The following TRIM36 variants were observed in gnomAD, a reference collection of about 807,000 sequenced individuals.
TRIM36 encodes the protein tripartite motif containing 36.
TRIM36 carries 42 observed loss-of-function variants against 72.4 expected under a neutral mutation model. The observed-to-expected ratio is 0.58, with a 90% CI of 0.45 to 0.75. The LOEUF (loss-of-function observed/expected upper bound fraction) is 0.75. Ranked by LOEUF, TRIM36 falls within the 30% of genes least tolerant of loss-of-function variation. The probability of loss-of-function intolerance (pLI) is 0.00; values close to 1 mark genes in which losing one functional copy is unlikely to be tolerated. For synonymous variants in TRIM36, 315 were observed against 282.8 expected (o/e 1.11, Z -1.14); for missense variants, 913 against 857.1 (o/e 1.07, Z -0.81).
chr5:115,136,601 T>C (rs1165865864), intron 7 of TRIM36, among the ~76,000 whole-genome samples: 1 of 152,108 alleles, frequency 6.6e-6, no homozygotes, highest in East Asian at 1.9e-4. Flanking sequence ...CGACACAGCG[T>C]TGCTCATAAA....
intron 2 of TRIM36, chr5:115,148,431 TTTTTTTTAGATGGAG>T (rs1753710316): frequency 1.4e-6 from 1 of 736,954 alleles, no homozygotes; most frequent in Non-Finnish European, 1.7e-6. Context: ...TTTTTTTTTT[TTTTTTTTAGATGGAG>T]TCTCACTCTG....
upstream of TRIM36, among the ~76,000 whole-genome samples, chr5:115,173,541 T>TGC (rs1384024968): frequency 3.5e-3 from 526 of 151,594 alleles, 2 homozygotes; most frequent in African/African-American, 0.012. Flanking sequence ...TGTGTGTGTG[T>TGC]GTGCGCGCAC....
exon 1 of TRIM36, chr5:115,180,076 G>T (rs1345056938): frequency 1.9e-6 from 3 of 1,590,254 alleles, no homozygotes; most frequent in Middle Eastern, 3.3e-4. Context: ...ACCGACGCGG[G>T]TGTATCGAAT....
intron 1 of TRIM36, among the ~76,000 whole-genome samples, chr5:115,166,169 T>C (rs557003283): frequency 7.6e-4 from 116 of 152,280 alleles, no homozygotes; most frequent in Admixed American, 6.5e-3. Context: ...AAGCCAGGGA[T>C]AGCCTGAAGC....
rs11290682 is a variant in TRIM36, at chr5:115,132,550, GAA to G, written c.1498+1308_1498+1309del. Among the ~76,000 whole-genome samples the G allele has an allele frequency of 7.8e-3, 864 of 110,840 alleles. 4 individuals are homozygous for G. Among genetic ancestry groups the G allele is most frequent in the African/African-American group, 0.014 (363 of 26,684 alleles). 72.7% of individuals were successfully genotyped at this position (110,840 alleles called of 152,430 possible). On this transcript the variant is annotated intron_variant, in intron 8 of 9. Transcript: ENST00000513154. ...CAGAGCCAGACTCCACCTCCAAAAA[GAA>G]AAAAAAAAAAAAAAAAAGACTGCTA...
intron 2 of TRIM36, among the ~76,000 whole-genome samples, chr5:115,156,544 A>G (rs761904751): frequency 2.6e-5 from 4 of 152,218 alleles, no homozygotes; most frequent in African/African-American, 7.2e-5. Context: ...TCAGCAAAGC[A>G]AACAAAAACA....
rs375147618 is a variant in TRIM36 at position 115,130,856 on chromosome 5, T to C, written c.1532A>G (p.Tyr511Cys). 18 of 1,609,850 alleles carry C rather than the reference T, an allele frequency of 1.1e-5. No homozygotes were observed. The highest frequency in any genetic ancestry group is 1.4e-5 in the Non-Finnish European group (16 of 1,177,278). ...GTTCAGCAGGAGGTGTTCATTATTA[T>C]AGCCACATTTTTCATCAAAGAGGAA... is the stretch of plus-strand genomic sequence containing the variant. ...FSFLFDEKCG[Y>C]NNEHLLLNLK... Residue 511 changes from tyrosine (Y) to cysteine (C), a missense_variant, in exon 9 of 10, where the codon TAT becomes TGT. Transcript: ENST00000513154.
chr5:115,139,876 T>C (rs1447972576), intron 5 of TRIM36, among the ~76,000 whole-genome samples: 4 of 152,168 alleles, frequency 2.6e-5, no homozygotes, highest in African/African-American at 2.4e-5. Context: ...TTTAACCTAT[T>C]GATGACAAAC....
intron 8 of TRIM36, 40 bp from the exon 9 acceptor site, chr5:115,130,929 C>T: frequency 5.7e-6 from 9 of 1,569,866 alleles, no homozygotes; most frequent in Non-Finnish European, 6.0e-6. Context: ...TAAAAATTAT[C>T]ATTGCTCTAG....
intron 2 of TRIM36, among the ~76,000 whole-genome samples, chr5:115,162,195 CA>C (rs1754521587): frequency 6.6e-6 from 1 of 152,186 alleles, no homozygotes; most frequent in African/African-American, 2.4e-5. Context: ...CAAACTCCAC[CA>C]TTCTAAGTTT....
intron 9 of TRIM36, among the ~76,000 whole-genome samples, chr5:115,129,865 GT>G: frequency 6.6e-6 from 1 of 151,882 alleles, no homozygotes; most frequent in Admixed American, 6.5e-5. Flanking sequence ...CATCAACAAC[GT>G]TTACTAGGTT....
intron 8 of TRIM36, among the ~76,000 whole-genome samples, chr5:115,132,569 A>G (rs1057215123): frequency 2.1e-5 from 3 of 143,118 alleles, no homozygotes; most frequent in Non-Finnish European, 4.7e-5. Context: ...AAAAAAAAAA[A>G]GACTGCTAGC....
chr5:115,129,795 C>T (rs1046443741), intron 9 of TRIM36, among the ~76,000 whole-genome samples: 2 of 152,078 alleles, frequency 1.3e-5, no homozygotes, highest in Non-Finnish European at 2.9e-5. Context: ...AATTTTGAAA[C>T]ATGTTCCCCA....
intron 7 of TRIM36, among the ~76,000 whole-genome samples, chr5:115,135,162 A>G (rs935038796): frequency 2.0e-5 from 3 of 152,230 alleles, no homozygotes; most frequent in Admixed American, 6.5e-5. Flanking sequence ...TCCTTTCTAT[A>G]GAGCCAATTC....
At chr5:115,177,726 C>T (rs1388560188) in intron 1 of TRIM36, 3 of 1,613,926 alleles carry the variant, frequency 1.9e-6, no homozygotes, top group African/African-American at 1.3e-5. Context: ...CTCCAACCCC[C>T]ACAAAACAGA....
At position 115,169,904 on chromosome 5, in the gene TRIM36, A is replaced by C. The variant is rs571261695; in HGVS notation, c.-270T>G. The C allele has an allele frequency of 2.3e-4, 303 of 1,289,434 alleles. 2 individuals carry two copies. The African/African-American group carries it at 4.2e-3, about 18-fold the overall frequency. The allele number at this position is 1,289,434 out of a possible 1,614,324, so 79.9% of individuals were successfully genotyped here. A position where few individuals can be genotyped will look rare whatever the true frequency, so the allele number is the denominator to read the frequency against. On this transcript the variant is annotated 5_prime_UTR_variant, in exon 1 of 10. Coordinates refer to ENST00000513154, the MANE Select transcript of TRIM36 (RefSeq NM_001300759.2). ...CCGGCTGCAGCAGCGGCTCCTGCGG[A>C]CTGCGGCTGGGAACGGCGCCGCGCA... is the stretch of plus-strand genomic sequence containing the variant.
At chr5:115,128,331 T>C (rs1752464054) in intron 9 of TRIM36, among the ~76,000 whole-genome samples, 2 of 148,476 alleles carry the variant, frequency 1.3e-5, no homozygotes, top group Admixed American at 6.8e-5. Flanking sequence ...TTCATGCCAT[T>C]GTACTCCAGC....
In TRIM36 at chr5:115,163,608, C is replaced by A; in HGVS notation, c.172G>T (p.Asp58Tyr). 1.2e-6 allele frequency: 2 copies of A among 1,614,148 alleles called. No homozygotes were observed. Among genetic ancestry groups the A allele is most frequent in the Non-Finnish European group, 1.7e-6 (2 of 1,180,024 alleles). Residue 58 changes from aspartate (D) to tyrosine (Y), a missense_variant, in exon 2 of 10, where the codon GAT (aspartate) becomes TAT (tyrosine). Asp to Tyr is a radical substitution (Grantham distance 160, BLOSUM62 -3). Coordinates refer to ENST00000513154, the MANE Select transcript of TRIM36 (RefSeq NM_001300759.2). ...LLLTLDDSFN[D>Y]VGSDNSNQSS... The stretch of plus-strand genomic sequence containing the variant: ...TGATTGGAGTTGTCTGATCCCACAT[C>A]GTTGAATGAATCATCGAGAGTCAGC...
chr5:115,150,669 G>A (rs1753841028), intron 2 of TRIM36, among the ~76,000 whole-genome samples: 1 of 152,226 alleles, frequency 6.6e-6, no homozygotes, highest in Non-Finnish European at 1.5e-5. Flanking sequence ...CCTGAAGGAA[G>A]CAGACTGCTC....
Sources: allele counts gnomAD v4.1 joint callset (sites outside exome capture counted in the v4.1 genomes callset), GRCh38; gene constraint gnomAD v4.1.1; transcripts MANE v1.5; gene names NCBI Gene and HGNC (gene_info 2026-07-23, HGNC 2026-07-21).